TAF3: variants seen among roughly 807,000 people sequenced by gnomAD.
TAF3 encodes the protein TATA-box binding protein associated factor 3, also known as transcription initiation factor TFIID subunit 3.
A neutral mutation model predicts 80.6 loss-of-function variants in TAF3; 7 were observed. The observed-to-expected ratio is 0.09, with a 90% CI of 0.05 to 0.16. The LOEUF (loss-of-function observed/expected upper bound fraction) is 0.16, where lower values mean the gene tolerates loss of function less well. TAF3 is among the 10% of genes least tolerant of loss of function. TAF3 has a pLI of 1.00. For synonymous variants in TAF3, 444 were observed against 446.1 expected (o/e 1.00, Z 0.06); for missense variants, 921 against 1,140.2 (o/e 0.81, Z 2.77).
chr10:7,950,711 T>C (rs1172532778), intron 2 of TAF3, among the ~76,000 whole-genome samples: 1 of 152,264 alleles, frequency 6.6e-6, no homozygotes, highest in Non-Finnish European at 1.5e-5. Flanking sequence ...TTCAGTCGCA[T>C]GCGTTGCCTG....
chr10:7,964,960 A>G lies in TAF3; in HGVS notation c.1450A>G (p.Asn484Asp). ...VRKAKLGTPS[N>D]MPPNFPYISS... The stretch of plus-strand genomic sequence containing the variant: ...TAAAGCAAAACTGGGAACACCTTCA[A>G]ATATGCCCCCCAACTTTCCTTATAT... The change falls in exon 3 of 7, where the codon AAT becomes GAT. Residue 484 changes from asparagine (N) to aspartate (D), a missense_variant. Physicochemically the swap from Asn to Asp is conservative, Grantham distance 23. Coordinates refer to ENST00000344293, the MANE Select transcript of TAF3 (RefSeq NM_031923.4). The surrounding 1 kb of genome is among the most constrained non-coding windows in gnomAD (Gnocchi z 4.1). 6.2e-7 allele frequency: 1 copy of G among 1,614,130 alleles called. No individual in the cohort carries two copies. The highest frequency in any genetic ancestry group is 8.5e-7 in the Non-Finnish European group (1 of 1,180,020).
rs1554778360 is a variant in TAF3, at chr10:7,863,626, A to AAT, written c.409+39086_409+39087dup. 6.2e-3 allele frequency among the ~76,000 whole-genome samples: 298 copies of AAT among 48,092 alleles called. 41 individuals carry two copies. Among genetic ancestry groups the AAT allele is most frequent in the African/African-American group, 0.01 (134 of 12,906 alleles). The allele number at this position is 48,092 out of a possible 152,430, so 31.6% of individuals were successfully genotyped here. The stretch of plus-strand genomic sequence containing the variant: ...CTCTGTCTAAAAAAAAAAAAAAAAA[A>AAT]ATATATATATATATATATATACACA... On this transcript the variant is annotated intron_variant, in intron 2 of 6. Coordinates refer to ENST00000344293, the MANE Select transcript of TAF3 (RefSeq NM_031923.4).
chr10:7,844,935 G>T (rs1412701068), intron 2 of TAF3, among the ~76,000 whole-genome samples: 8 of 152,020 alleles, frequency 5.3e-5, no homozygotes, highest in African/African-American at 1.9e-4. Flanking sequence ...ATATTGCAAT[G>T]TTGCATCAAA....
chr10:7,861,261 C>A (rs551861992), intron 2 of TAF3, among the ~76,000 whole-genome samples: 1 of 152,138 alleles, frequency 6.6e-6, no homozygotes, highest in African/African-American at 2.4e-5. Context: ...CCGCATCCGG[C>A]CCTGCACGGC....
At chr10:7,896,192 T>C (rs1477565005) in intron 2 of TAF3, among the ~76,000 whole-genome samples, 1 of 152,214 alleles carries the variant, frequency 6.6e-6, no homozygotes, top group African/African-American at 2.4e-5. Flanking sequence ...AAAACAACTC[T>C]GTTTGAACCT....
intron 2 of TAF3, among the ~76,000 whole-genome samples, chr10:7,953,552 C>T (rs1254565448): frequency 6.6e-6 from 1 of 152,140 alleles, no homozygotes; most frequent in East Asian, 1.9e-4. Flanking sequence ...GTGAACCGAT[C>T]CCAGGTGTCA....
At chr10:7,926,597 T>G (rs1588554628) in intron 2 of TAF3, among the ~76,000 whole-genome samples, 2 of 152,166 alleles carry the variant, frequency 1.3e-5, no homozygotes, top group African/African-American at 4.8e-5. Flanking sequence ...GTTATGGAGG[T>G]TCAGCATTAC....
intron 4 of TAF3, among the ~76,000 whole-genome samples, chr10:7,981,002 CAG>C (rs758919314): frequency 3.3e-5 from 5 of 152,106 alleles, no homozygotes; most frequent in African/African-American, 4.8e-5. Flanking sequence ...ATTTTAGGGA[CAG>C]GGGCTGTTTG....
At chr10:7,860,804 C>CTTT (rs371068019) in intron 2 of TAF3, among the ~76,000 whole-genome samples, 5 of 119,076 alleles carry the variant, frequency 4.2e-5, no homozygotes, top group Admixed American at 3.9e-4. Flanking sequence ...TTCTTTCTTT[C>CTTT]TTTTTTTTTT....
intron 2 of TAF3, among the ~76,000 whole-genome samples, chr10:7,837,353 A>G (rs1263680096): frequency 6.6e-6 from 1 of 151,844 alleles, no homozygotes; most frequent in East Asian, 1.9e-4. Context: ...AAAAAAAAAA[A>G]AAAAGTCAGC....
chr10:7,836,339 G>A (rs1312187984), intron 2 of TAF3, among the ~76,000 whole-genome samples: 2 of 150,756 alleles, frequency 1.3e-5, no homozygotes, highest in Non-Finnish European at 3.0e-5. Flanking sequence ...TGCCCAGGCT[G>A]GAGTACAATG....
At chr10:8,011,067 C>T (rs1056479811) in intron 5 of TAF3, among the ~76,000 whole-genome samples, 3 of 152,052 alleles carry the variant, frequency 2.0e-5, no homozygotes, top group African/African-American at 4.8e-5. Context: ...AAACACACAA[C>T]GAAATATTTA....
intron 2 of TAF3, among the ~76,000 whole-genome samples, chr10:7,919,448 A>T (rs1837742696): frequency 6.6e-6 from 1 of 152,146 alleles, no homozygotes. Context: ...TGGTCCTCCC[A>T]AGCTTGATGT....
intron 2 of TAF3, among the ~76,000 whole-genome samples, chr10:7,935,274 C>CTAAATAAA (rs34069819): frequency 1.1e-4 from 17 of 150,112 alleles, no homozygotes; most frequent in African/African-American, 2.7e-4. Flanking sequence ...AACTCTGTTT[C>CTAAATAAA]TAAATAAATA....
Position 7,826,775 on chromosome 10 carries a change from A to G in TAF3, c.409+2215A>G, listed in dbSNP as rs548010260. Among the ~76,000 whole-genome samples the G allele has an allele frequency of 6.6e-5, 10 of 152,358 alleles. No homozygotes were observed. In the East Asian group the frequency reaches 1.7e-3, roughly 26 times the overall value. On this transcript the variant is annotated intron_variant, in intron 2 of 6. Transcript: ENST00000344293. The stretch of plus-strand genomic sequence containing the variant: ...TCTCCTCTTCATAAGAAAAGGATAT[A>G]AAATGCAATTCTTTGGTTACCATTT...
intron 2 of TAF3, among the ~76,000 whole-genome samples, chr10:7,825,815 T>C (rs1421501696): frequency 6.6e-6 from 1 of 152,232 alleles, no homozygotes; most frequent in Non-Finnish European, 1.5e-5. Context: ...GATGTGCAAA[T>C]CTCTGTTCAA....
chr10:8,013,865 A>AC (rs766390163), intron 6 of TAF3, 28 bp downstream of exon 6: 64 of 1,586,896 alleles, frequency 4.0e-5, no homozygotes, highest in Non-Finnish European at 5.3e-5. Flanking sequence ...CCTGCCGGCC[A>AC]CACTCATTAG....
intron 2 of TAF3, among the ~76,000 whole-genome samples, chr10:7,839,196 T>A (rs1836885310): frequency 6.6e-6 from 1 of 152,166 alleles, no homozygotes; most frequent in African/African-American, 2.4e-5. Flanking sequence ...CATGCTGGCA[T>A]GGAGTTCTCG....
chr10:7,853,108 ATGT>A (rs1369839202), intron 2 of TAF3, among the ~76,000 whole-genome samples: 13 of 152,194 alleles, frequency 8.5e-5, no homozygotes, highest in Admixed American at 3.3e-4. Context: ...GAGTTGGCAA[ATGT>A]TGTTTAATAT....
Sources: gnomAD v4.1 joint callset for allele counts (sites outside exome capture counted in the v4.1 genomes callset) on GRCh38, gnomAD v4.1.1 for gene constraint, Gnocchi (gnomAD v3.1) non-coding constraint, MANE v1.5 for transcripts, NCBI Gene and HGNC (gene_info 2026-07-23, HGNC 2026-07-21) for gene names.